The following ANKS1B variants were observed in gnomAD, a reference collection of about 807,000 sequenced individuals.
ANKS1B encodes ankyrin repeat and sterile alpha motif domain containing 1B, also known as ankyrin repeat and sterile alpha motif domain-containing protein 1B.
ANKS1B carries 36 observed loss-of-function variants against 148.3 expected under a neutral mutation model. The ratio of observed to expected loss-of-function variants is 0.24; its 90% confidence interval spans 0.19 to 0.32. ANKS1B has a LOEUF of 0.32. Among genes scored for constraint, ANKS1B ranks in the 10% least tolerant of loss-of-function variants. The pLI is 1.00. For missense variants in ANKS1B, 1,157 were observed against 1,542.6 expected, an observed-to-expected ratio of 0.75 and a Z score of 4.19; for synonymous variants, 542 against 560.8, an observed-to-expected ratio of 0.97 and a Z score of 0.47.
intron 8 of ANKS1B, among the ~76,000 whole-genome samples, chr12:99,711,059 C>T (rs1406347682): frequency 2.0e-5 from 3 of 152,072 alleles, no homozygotes; most frequent in African/African-American, 7.2e-5. Context: ...ATCCAACTTC[C>T]TTATTTCACT....
chr12:99,615,367 A>G (rs2097946656), intron 9 of ANKS1B, among the ~76,000 whole-genome samples: 1 of 152,146 alleles, frequency 6.6e-6, no homozygotes, highest in South Asian at 2.1e-4. Flanking sequence ...AAAAATGAAC[A>G]TTTACTTTGC....
chr12:98,933,818 C>T (rs2099815976), intron 17 of ANKS1B, among the ~76,000 whole-genome samples: 1 of 151,632 alleles, frequency 6.6e-6, no homozygotes, highest in African/African-American at 2.4e-5. Context: ...TATTCAAGTC[C>T]TTAGCCCATT....
intron 17 of ANKS1B, among the ~76,000 whole-genome samples, chr12:98,893,944 G>A (rs2099758010): frequency 6.6e-6 from 1 of 152,210 alleles, no homozygotes; most frequent in African/African-American, 2.4e-5. Flanking sequence ...CTTTTGGCAA[G>A]TTGTAACCTG....
At chr12:99,853,552 G>C (rs1314348347) in intron 1 of ANKS1B, among the ~76,000 whole-genome samples, 1 of 152,100 alleles carries the variant, frequency 6.6e-6, no homozygotes, top group East Asian at 1.9e-4. Context: ...CCACATCAAG[G>C]GAGCACCCTG....
intron 17 of ANKS1B, among the ~76,000 whole-genome samples, chr12:98,878,824 T>G (rs1324389064): frequency 1.3e-5 from 2 of 152,226 alleles, no homozygotes; most frequent in Middle Eastern, 3.2e-3. Flanking sequence ...TGAGAGATAA[T>G]GGTTCATATC....
chr12:98,793,004 T>C (rs2098900660), intron 22 of ANKS1B, among the ~76,000 whole-genome samples: 1 of 152,190 alleles, frequency 6.6e-6, no homozygotes, highest in African/African-American at 2.4e-5. Context: ...CTGGATAATA[T>C]AGTAATTCTC....
chr12:99,753,155 C>A (rs1333801464), intron 8 of ANKS1B, among the ~76,000 whole-genome samples: 1 of 152,008 alleles, frequency 6.6e-6, no homozygotes, highest in African/African-American at 2.4e-5. Flanking sequence ...CTGAGAGTCT[C>A]CATCTGTTCA....
intron 9 of ANKS1B, chr12:99,648,424 G>T (rs199610950): frequency 6.2e-7 from 1 of 1,614,134 alleles, no homozygotes; most frequent in Non-Finnish European, 8.5e-7. Flanking sequence ...CACACTACCT[G>T]ATGTCATGCT....
intron 1 of ANKS1B, among the ~76,000 whole-genome samples, chr12:99,884,226 C>G (rs2092705364): frequency 6.6e-6 from 1 of 152,042 alleles, no homozygotes; most frequent in South Asian, 2.1e-4. Context: ...TACTACACAC[C>G]TATTAGAATG....
At chr12:98,908,109 C>A (rs967443608) in intron 17 of ANKS1B, among the ~76,000 whole-genome samples, 1 of 152,180 alleles carries the variant, frequency 6.6e-6, no homozygotes, top group African/African-American at 2.4e-5. Flanking sequence ...AAGTACCAAG[C>A]ACATCCTGGC....
intron 11 of ANKS1B, among the ~76,000 whole-genome samples, chr12:99,425,434 T>C (rs115562306): frequency 0.016 from 2,431 of 152,052 alleles, 66 homozygotes; most frequent in African/African-American, 0.051. Context: ...GGGCATTTCA[T>C]TGGTACAGAC....
chr12:98,834,579 T>C (rs1242492736), intron 17 of ANKS1B, among the ~76,000 whole-genome samples: 1 of 152,216 alleles, frequency 6.6e-6, no homozygotes, highest in African/African-American at 2.4e-5. Context: ...CAGAAGCCCA[T>C]CTGCCATCCT....
intron 4 of ANKS1B, among the ~76,000 whole-genome samples, chr12:99,790,882 C>T (rs1249200024): frequency 1.3e-5 from 2 of 151,400 alleles, no homozygotes; most frequent in South Asian, 2.1e-4. Context: ...AAAAAGAGAG[C>T]GAGAGAAAAA....
chr12:99,498,798 G>A (rs11109872), intron 10 of ANKS1B, among the ~76,000 whole-genome samples: 17,758 of 151,954 alleles, frequency 0.12, 2,406 homozygotes, highest in African/African-American at 0.33. Context: ...ATGTCTCCAC[G>A]TTTGCAAATT....
At chr12:99,252,726 T>C (rs1188729696) in intron 12 of ANKS1B, among the ~76,000 whole-genome samples, 1 of 152,174 alleles carries the variant, frequency 6.6e-6, no homozygotes, top group African/African-American at 2.4e-5. Flanking sequence ...CAGTAAAATT[T>C]GAGAACAACT....
chr12:99,474,373 C>G (rs1325420870), intron 10 of ANKS1B, among the ~76,000 whole-genome samples: 3 of 151,982 alleles, frequency 2.0e-5, no homozygotes, highest in South Asian at 2.1e-4. Flanking sequence ...GTAATTAGTA[C>G]TTTTCCCAGA....
chr12:99,557,677 C>T (rs2097291700), intron 9 of ANKS1B, among the ~76,000 whole-genome samples: 1 of 152,224 alleles, frequency 6.6e-6, no homozygotes, highest in African/African-American at 2.4e-5. Flanking sequence ...TCAGCCATTT[C>T]AGCCTGGTTA....
chr12:98,894,786 G>C, intron 17 of ANKS1B: 1 of 985,046 alleles, frequency 1.0e-6, no homozygotes. Context: ...GCGAGGCGAG[G>C]GCGAGCGCGC....
intron 1 of ANKS1B, among the ~76,000 whole-genome samples, chr12:99,915,129 G>A (rs1402426057): frequency 6.6e-6 from 1 of 150,512 alleles, no homozygotes; most frequent in East Asian, 1.9e-4. Flanking sequence ...GGAGGCTGAG[G>A]CAAGAGAATC....
Sources: allele counts gnomAD v4.1 joint callset (sites outside exome capture counted in the v4.1 genomes callset), GRCh38; gene constraint gnomAD v4.1.1; transcripts MANE v1.5; gene names NCBI Gene and HGNC (gene_info 2026-07-23, HGNC 2026-07-21).